The following DTD1 variants were observed in gnomAD, a reference collection of about 807,000 sequenced individuals.
The protein encoded by DTD1 is D-aminoacyl-tRNA deacylase 1, also known as D-tyrosyl-tRNA deacylase 1 homolog.
DTD1 carries 13 observed loss-of-function variants against 25.6 expected under a neutral mutation model. That is an observed-to-expected ratio of 0.51 (90% confidence interval 0.33 to 0.81). The LOEUF is 0.81. Among genes scored for constraint, DTD1 ranks in the 30% least tolerant of loss-of-function variants. DTD1 has a pLI of 0.02. For missense variants in DTD1, 193 were observed against 266.4 expected (o/e 0.72, Z 1.92); for synonymous variants, 110 against 103.6 (o/e 1.06, Z -0.37).
chr20:18,649,621 AC>A (rs1343380319), intron 4 of DTD1, among the ~76,000 whole-genome samples: 4 of 151,932 alleles, frequency 2.6e-5, no homozygotes, highest in Admixed American at 6.6e-5. Context: ...TTCTTAGAAC[AC>A]CATTGCTCTT....
At chr20:18,598,731 G>T (rs140003545) in intron 3 of DTD1, among the ~76,000 whole-genome samples, 3 of 149,894 alleles carry the variant, frequency 2.0e-5, no homozygotes, top group African/African-American at 7.4e-5. Flanking sequence ...GGATGGTCTC[G>T]ATCTCCTGAC....
intron 5 of DTD1, among the ~76,000 whole-genome samples, chr20:18,754,175 G>C (rs564992066): frequency 2.0e-5 from 3 of 152,232 alleles, no homozygotes; most frequent in Non-Finnish European, 1.5e-5. Flanking sequence ...CCAGAAGCAG[G>C]TCAGTTGGAA....
At chr20:18,593,459 G>A (rs1004981483) in intron 1 of DTD1, among the ~76,000 whole-genome samples, 4 of 152,152 alleles carry the variant, frequency 2.6e-5, no homozygotes, top group African/African-American at 9.7e-5. Flanking sequence ...CTTACCCAAG[G>A]TAACATAGAT....
intron 4 of DTD1, among the ~76,000 whole-genome samples, chr20:18,720,763 T>C (rs1273830681): frequency 1.3e-5 from 2 of 152,002 alleles, no homozygotes; most frequent in East Asian, 3.9e-4. Context: ...GAGGCTGAGG[T>C]GGGAGGATTG....
intron 3 of DTD1, among the ~76,000 whole-genome samples, chr20:18,610,481 G>T (rs549923680): frequency 6.6e-6 from 1 of 152,188 alleles, no homozygotes; most frequent in African/African-American, 2.4e-5. Flanking sequence ...CAGAATTTAA[G>T]CTCATGGTGT....
intron 4 of DTD1, chr20:18,698,389 A>T (rs1442414501): frequency 6.6e-6 from 1 of 152,196 alleles, no homozygotes. Flanking sequence ...GTGTTATTTC[A>T]TCTATACATA....
intron 4 of DTD1, among the ~76,000 whole-genome samples, chr20:18,654,692 G>A: frequency 6.6e-6 from 1 of 152,022 alleles, no homozygotes; most frequent in East Asian, 1.9e-4. Flanking sequence ...CAGAGCTCTG[G>A]GAGTCACACT....
chr20:18,588,137 C>A, intron 1 of DTD1, 22 bp downstream of exon 1: 2 of 1,259,596 alleles, frequency 1.6e-6, no homozygotes, highest in Non-Finnish European at 2.0e-6. Flanking sequence ...GGGGCCGGGC[C>A]CGGGAGGAGC....
rs570514130 is a variant in DTD1, at chr20:18,588,791, AC to A, written c.43+680del. ...TTTTTCTTGTGGACCAAGCTACCCG[AC>A]CCCTGGTCATCACTCAGCACTTTCG... On this transcript the variant is annotated intron_variant, in intron 1 of 5. Transcript: ENST00000377452. 5.1e-6 allele frequency: 5 copies of A among 983,884 alleles called. No homozygotes were observed. In the East Asian group the frequency reaches 5.7e-4, roughly 112 times the overall value. 60.9% of individuals were successfully genotyped at this position (983,884 alleles called of 1,614,324 possible). A position where few individuals can be genotyped will look rare whatever the true frequency, so the allele number is the denominator to read the frequency against.
intron 4 of DTD1, among the ~76,000 whole-genome samples, chr20:18,685,250 C>G (rs528851028): frequency 7.2e-5 from 11 of 152,296 alleles, no homozygotes; most frequent in African/African-American, 2.6e-4. Context: ...CTCCAGAGAT[C>G]AGCTCACAAG....
intron 4 of DTD1, chr20:18,642,740 G>A (rs564013428): frequency 6.5e-6 from 1 of 153,750 alleles, no homozygotes; most frequent in African/African-American, 2.4e-5. Context: ...AGTGAGGTTG[G>A]TGCTATTGTA....
At chr20:18,672,946 C>G (rs913261798) in intron 4 of DTD1, among the ~76,000 whole-genome samples, 1 of 152,186 alleles carries the variant, frequency 6.6e-6, no homozygotes, top group Non-Finnish European at 1.5e-5. Flanking sequence ...AGCCAAAAAG[C>G]GAGCGGGCCC....
chr20:18,738,819 A>G (rs57309675), intron 4 of DTD1, among the ~76,000 whole-genome samples: 3 of 152,346 alleles, frequency 2.0e-5, no homozygotes, highest in African/African-American at 7.2e-5. Flanking sequence ...TCTGTGGGAC[A>G]TTGATGATCA....
intron 4 of DTD1, among the ~76,000 whole-genome samples, chr20:18,711,930 C>CG (rs2061160524): frequency 7.8e-6 from 1 of 127,870 alleles, no homozygotes; most frequent in African/African-American, 3.1e-5. Flanking sequence ...TGCCGGGGGT[C>CG]GGGGGGCACG....
chr20:18,661,493 T>C (rs544316384), intron 4 of DTD1, among the ~76,000 whole-genome samples: 1 of 149,698 alleles, frequency 6.7e-6, no homozygotes, highest in Non-Finnish European at 1.5e-5. Flanking sequence ...TGCCTCAGCC[T>C]CCTGAGTAGC....
At chr20:18,714,843 T>C (rs941920166) in intron 4 of DTD1, among the ~76,000 whole-genome samples, 1 of 152,218 alleles carries the variant, frequency 6.6e-6, no homozygotes, top group African/African-American at 2.4e-5. Flanking sequence ...CAATAGGTGA[T>C]ACCTTCAGTA....
chr20:18,694,280 G>C (rs1350446951), intron 4 of DTD1, among the ~76,000 whole-genome samples: 2 of 152,188 alleles, frequency 1.3e-5, no homozygotes, highest in Non-Finnish European at 2.9e-5. Context: ...GGATACAGGA[G>C]TAAGATCCTA....
At chr20:18,620,350 A>G (rs2060728805) in intron 3 of DTD1, among the ~76,000 whole-genome samples, 1 of 151,986 alleles carries the variant, frequency 6.6e-6, no homozygotes, top group African/African-American at 2.4e-5. Flanking sequence ...AGACCCCCAA[A>G]CTCAATGGGT....
intron 4 of DTD1, among the ~76,000 whole-genome samples, chr20:18,629,376 C>T (rs1358949942): frequency 6.9e-6 from 1 of 145,402 alleles, no homozygotes; most frequent in East Asian, 2.1e-4. Context: ...TCATGGCTCA[C>T]TCCAGCCTCG....
Sources: allele counts gnomAD v4.1 joint callset (sites outside exome capture counted in the v4.1 genomes callset), GRCh38; gene constraint gnomAD v4.1.1; transcripts MANE v1.5; gene names NCBI Gene and HGNC (gene_info 2026-07-23, HGNC 2026-07-21).